SSPN: variants seen among roughly 807,000 people sequenced by gnomAD.
SSPN encodes the protein sarcospan.
Under a neutral mutation model 19.1 loss-of-function variants are expected in SSPN, and 15 were observed. The ratio of observed to expected loss-of-function variants is 0.78; its 90% CI spans 0.52 to 1.21. The LOEUF (loss-of-function observed/expected upper bound fraction) is 1.21. SSPN is among the 50% of genes most tolerant of loss of function. The pLI, the probability that SSPN is intolerant of heterozygous loss-of-function variation, is 0.00. For missense variants in SSPN, 291 were observed against 314.0 expected (o/e 0.93, Z 0.55); for synonymous variants, 147 against 140.3 (o/e 1.05, Z -0.34).
Position 26,195,905 on chromosome 12 carries a change from G to T in SSPN, c.233G>T (p.Ser78Ile). 1 of 1,575,984 alleles carries T rather than the reference G, an allele frequency of 6.3e-7. No individual in the cohort carries two copies. The highest frequency in any genetic ancestry group is 8.6e-7 in the Non-Finnish European group (1 of 1,163,910). Residue 78 changes from serine (S) to isoleucine (I), a missense_variant, in exon 1 of 3, where the codon AGC (serine) becomes ATC (isoleucine). Physicochemically the swap from Ser to Ile is moderately radical, Grantham distance 142. Transcript: ENST00000242729. ...TVVGFLMASI[S>I]SSLLVRDTPF... ...GTGGGCTTCCTCATGGCGAGCATCA[G>T]CTCCTCCCTGCTAGTCAGGGACACT...
chr12:26,122,800 C>A, intron 1 of SSPN: 1 of 1,593,078 alleles, frequency 6.3e-7, no homozygotes, highest in Non-Finnish European at 8.5e-7. Flanking sequence ...TAGCCGCTGT[C>A]GGTGTCCGTG....
At chr12:26,208,415 A>T (rs1219453990) in intron 1 of SSPN, among the ~76,000 whole-genome samples, 1 of 152,118 alleles carries the variant, frequency 6.6e-6, no homozygotes, top group African/African-American at 2.4e-5. Context: ...TCATTTATTT[A>T]TTCAAAAAAT....
chr12:26,219,363 G>A (rs1032453742), intron 1 of SSPN, among the ~76,000 whole-genome samples: 1 of 151,968 alleles, frequency 6.6e-6, no homozygotes, highest in African/African-American at 2.4e-5. Context: ...CGAGACACTG[G>A]TCCAGTATCT....
chr12:26,202,108 A>G (rs1410371287), intron 1 of SSPN, among the ~76,000 whole-genome samples: 2 of 152,190 alleles, frequency 1.3e-5, no homozygotes, highest in Non-Finnish European at 2.9e-5. Flanking sequence ...TATAATACCT[A>G]ATACAATATA....
At chr12:26,123,607 C>T in intron 1 of SSPN, 1 of 1,551,848 alleles carries the variant, frequency 6.4e-7, no homozygotes, top group Non-Finnish European at 8.9e-7. Flanking sequence ...TCAGGGTAGG[C>T]TGGCCTCCCT....
In SSPN at chr12:26,128,585, G is replaced by GA. The variant is rs555129991; in HGVS notation, c.-31+6440dup. Among the ~76,000 whole-genome samples, 12 of 152,088 alleles carry GA rather than the reference G, an allele frequency of 7.9e-5. No individual in the cohort carries two copies. The East Asian group carries it at 1.9e-3, about 24-fold the overall frequency. The stretch of plus-strand genomic sequence containing the variant: ...TTCACCTGTGGTGAGGTTAGAAAGG[G>GA]AAAAAAAGTACGCTAACAAAGGAAC... On this transcript the variant is annotated intron_variant, in intron 1 of 2. Transcript: ENST00000538142.
At chr12:26,154,527 G>A (rs920995780) in intron 1 of SSPN, among the ~76,000 whole-genome samples, 2 of 152,186 alleles carry the variant, frequency 1.3e-5, no homozygotes, top group African/African-American at 4.8e-5. Context: ...GCAGAAAGGA[G>A]ACAGGCTTTG....
chr12:26,148,573 A>G (rs760447903), intron 1 of SSPN, among the ~76,000 whole-genome samples: 6 of 152,170 alleles, frequency 3.9e-5, no homozygotes, highest in Non-Finnish European at 7.3e-5. Flanking sequence ...TTAACGTTTT[A>G]CGATTTTGGC....
rs1397743422 is a variant in SSPN, at chr12:26,232,719, G to C, written c.*1643G>C. The C allele has an allele frequency of 9.1e-6, 9 of 984,480 alleles. No individual in the cohort carries two copies. Among genetic ancestry groups the C allele is most frequent in the Middle Eastern group, 5.2e-4 (1 of 1,914 alleles). 61.0% of individuals were successfully genotyped at this position (984,480 alleles called of 1,614,324 possible). A position where few individuals can be genotyped will look rare whatever the true frequency, so the allele number is the denominator to read the frequency against. On this transcript the variant is annotated 3_prime_UTR_variant, in exon 3 of 3. Coordinates refer to ENST00000242729, the MANE Select transcript of SSPN (RefSeq NM_005086.5). ...CTAGAGGATTGTAAATATCTTTTAT[G>C]TCCTCTAGATAAAACACCCGATTAA...
At chr12:26,181,157 G>C (rs143135665) in intron 1 of SSPN, 16 of 152,120 alleles carry the variant, frequency 1.1e-4, no homozygotes, top group Admixed American at 2.0e-4. Flanking sequence ...CACTGAGGTC[G>C]TATCAGTAGA....
intron 1 of SSPN, among the ~76,000 whole-genome samples, chr12:26,144,882 G>A (rs578261852): frequency 6.6e-6 from 1 of 152,278 alleles, no homozygotes; most frequent in South Asian, 2.1e-4. Context: ...TAAAAGTTAT[G>A]AGTTGGTCAC....
intron 1 of SSPN, among the ~76,000 whole-genome samples, chr12:26,150,514 T>A (rs914287536): frequency 6.6e-6 from 1 of 152,192 alleles, no homozygotes. Flanking sequence ...AATTTATATA[T>A]CCTTCAAAAA....
intron 1 of SSPN, among the ~76,000 whole-genome samples, chr12:26,152,852 C>G (rs1298595288): frequency 6.6e-6 from 1 of 152,246 alleles, no homozygotes; most frequent in African/African-American, 2.4e-5. Context: ...CCTATCTTAT[C>G]TGGCTGCAGC....
At chr12:26,172,190 A>G (rs781722742) in intron 1 of SSPN, among the ~76,000 whole-genome samples, 2 of 152,186 alleles carry the variant, frequency 1.3e-5, no homozygotes, top group Non-Finnish European at 2.9e-5. Flanking sequence ...ATAATATTTG[A>G]TGGGTAATAG....
intron 2 of SSPN, among the ~76,000 whole-genome samples, chr12:26,230,033 T>C (rs912514834): frequency 1.3e-5 from 2 of 152,158 alleles, no homozygotes; most frequent in Non-Finnish European, 2.9e-5. Flanking sequence ...TGAGGAACCA[T>C]TTAGAGTTTT....
chr12:26,170,932 CCAT>C (rs1005800556), intron 1 of SSPN, among the ~76,000 whole-genome samples: 59 of 152,260 alleles, frequency 3.9e-4, no homozygotes, highest in African/African-American at 1.3e-3. Flanking sequence ...TCACATTTCA[CCAT>C]CATAGTAACT....
chr12:26,207,229 A>T (rs1944938746), intron 1 of SSPN, among the ~76,000 whole-genome samples: 1 of 152,216 alleles, frequency 6.6e-6, no homozygotes, highest in South Asian at 2.1e-4. Context: ...TTCTATGTGA[A>T]TTTGAACAAA....
At chr12:26,188,097 G>T (rs1253160870) in intron 1 of SSPN, among the ~76,000 whole-genome samples, 1 of 152,180 alleles carries the variant, frequency 6.6e-6, no homozygotes, top group Non-Finnish European at 1.5e-5. Flanking sequence ...AACCTTCTGA[G>T]GTAGGTATTT....
intron 1 of SSPN, among the ~76,000 whole-genome samples, chr12:26,129,075 G>A (rs924414118): frequency 1.3e-5 from 2 of 152,134 alleles, no homozygotes; most frequent in Non-Finnish European, 2.9e-5. Context: ...AAGCCCTACT[G>A]CCCTTCTGGA....
Sources: allele counts gnomAD v4.1 joint callset (sites outside exome capture counted in the v4.1 genomes callset), GRCh38; gene constraint gnomAD v4.1.1; transcripts MANE v1.5; gene names NCBI Gene and HGNC (gene_info 2026-07-23, HGNC 2026-07-21).